The following OSBPL9 variants were observed in gnomAD, a reference collection of about 807,000 sequenced individuals.
OSBPL9 encodes oxysterol binding protein like 9, also known as oxysterol-binding protein-related protein 9.
OSBPL9 carries 40 observed loss-of-function variants against 106.6 expected under a neutral mutation model. The ratio of observed to expected loss-of-function variants is 0.38; its 90% CI spans 0.29 to 0.49. OSBPL9 has a LOEUF of 0.49. Ranked by LOEUF, OSBPL9 falls within the 20% of genes least tolerant of loss-of-function variation. The probability of loss-of-function intolerance (pLI) is 0.97; values close to 1 mark genes in which losing one functional copy is unlikely to be tolerated. For missense variants in OSBPL9, 609 were observed against 887.2 expected (o/e 0.69, Z 3.98); for synonymous variants, 269 against 295.4 (o/e 0.91, Z 0.92).
At chr1:51,720,563 T>C (rs1183564216) in intron 4 of OSBPL9, among the ~76,000 whole-genome samples, 2 of 152,090 alleles carry the variant, frequency 1.3e-5, no homozygotes, top group Admixed American at 6.5e-5. Flanking sequence ...GACCTTGTGA[T>C]CCACCCACCT....
At chr1:51,520,983 G>C in the OSBPL9 span, among the ~76,000 whole-genome samples, 2 of 152,158 alleles carry the variant, frequency 1.3e-5, no homozygotes, top group Non-Finnish European at 2.9e-5. Context: ...ACCACAACCG[G>C]TGTTTCTACC....
the OSBPL9 span, among the ~76,000 whole-genome samples, chr1:51,556,562 G>A: frequency 6.6e-6 from 1 of 151,908 alleles, no homozygotes; most frequent in Admixed American, 6.6e-5. Flanking sequence ...CAGAACTTTG[G>A]GAGGCCGAGG....
chr1:51,728,120 A>G (rs1663464759), intron 4 of OSBPL9, among the ~76,000 whole-genome samples: 1 of 152,258 alleles, frequency 6.6e-6, no homozygotes, highest in South Asian at 2.1e-4. Flanking sequence ...GAAAATAGGT[A>G]CTACAAGGTA....
At chr1:51,524,836 A>G in the OSBPL9 span, among the ~76,000 whole-genome samples, 1 of 152,156 alleles carries the variant, frequency 6.6e-6, no homozygotes, top group Non-Finnish European at 1.5e-5. Flanking sequence ...GCCATAAGAA[A>G]CCAAAAGGAA....
At chr1:51,614,760 C>T (rs948496094), upstream of OSBPL9, among the ~76,000 whole-genome samples, 1 of 152,154 alleles carries the variant, frequency 6.6e-6, no homozygotes, top group African/African-American at 2.4e-5. Flanking sequence ...CCCATAGGAG[C>T]TCACTTAATC....
At chr1:51,757,537 G>A (rs567502060) in intron 9 of OSBPL9, among the ~76,000 whole-genome samples, 182 of 151,646 alleles carry the variant, frequency 1.2e-3, no homozygotes, top group Non-Finnish European at 2.0e-3. Context: ...AAATAAAACA[G>A]GCAGGATTTT....
the OSBPL9 span, among the ~76,000 whole-genome samples, chr1:51,558,422 T>C: frequency 9.9e-4 from 151 of 152,230 alleles, no homozygotes; most frequent in Non-Finnish European, 1.9e-3. Flanking sequence ...CCTCCCCAAT[T>C]CTCCTATAGA....
chr1:51,748,236 C>A, intron 6 of OSBPL9, 133 bp from the exon 7 acceptor site: 2 of 997,772 alleles, frequency 2.0e-6, no homozygotes, highest in South Asian at 2.4e-5. Context: ...AAAAGTACTC[C>A]CTTCCCAACT....
intron 12 of OSBPL9, among the ~76,000 whole-genome samples, chr1:51,770,535 C>T (rs762226798): frequency 6.6e-6 from 1 of 152,150 alleles, no homozygotes; most frequent in Non-Finnish European, 1.5e-5. Context: ...GCCTTGGCCT[C>T]CCAAAGTGTT....
chr1:51,538,657 C>G, the OSBPL9 span: 1 of 152,066 alleles, frequency 6.6e-6, no homozygotes, highest in African/African-American at 2.4e-5. Flanking sequence ...ATGTGTCATC[C>G]TTGTGTAGGA....
intron 4 of OSBPL9, among the ~76,000 whole-genome samples, chr1:51,734,895 A>G (rs575576718): frequency 6.6e-6 from 1 of 152,228 alleles, no homozygotes; most frequent in African/African-American, 2.4e-5. Context: ...GAGATTCAGC[A>G]TCCAGATCCA....
chr1:51,623,302 A>G (rs1644558807), intron 1 of OSBPL9, among the ~76,000 whole-genome samples: 1 of 152,218 alleles, frequency 6.6e-6, no homozygotes, highest in African/African-American at 2.4e-5. Context: ...AGTTTCTAAA[A>G]TAGGAATATG....
intron 14 of OSBPL9, 26 bp downstream of exon 14, chr1:51,772,749 G>C (rs761808031): frequency 1.0e-5 from 15 of 1,484,940 alleles, no homozygotes; most frequent in Admixed American, 8.4e-5. Context: ...CTGTAAGTCT[G>C]TGTGGGTATG....
chr1:51,775,808 A>C (rs1674948014), intron 14 of OSBPL9, among the ~76,000 whole-genome samples: 1 of 151,958 alleles, frequency 6.6e-6, no homozygotes, highest in Non-Finnish European at 1.5e-5. Flanking sequence ...ACGGGGTTTC[A>C]CTGTGTTGGC....
chr1:51,784,680 TTCTG>T, intron 20 of OSBPL9, 98 bp downstream of exon 20: 3 of 1,381,908 alleles, frequency 2.2e-6, no homozygotes, highest in African/African-American at 1.4e-5. Context: ...GAAAGAATGG[TTCTG>T]TCTTTGTAAG....
intron 4 of OSBPL9, among the ~76,000 whole-genome samples, chr1:51,715,111 T>G (rs1660789657): frequency 6.6e-6 from 1 of 152,236 alleles, no homozygotes; most frequent in Admixed American, 6.5e-5. Context: ...CTCTGTACTT[T>G]GTTCTATATC....
chr1:51,538,221 G>A, the OSBPL9 span, among the ~76,000 whole-genome samples: 145 of 152,250 alleles, frequency 9.5e-4, 1 homozygote, highest in African/African-American at 3.5e-3. Flanking sequence ...GAACCTTGGA[G>A]GCAGAGGTTG....
At chr1:51,640,976 A>G (rs555946498) in intron 1 of OSBPL9, among the ~76,000 whole-genome samples, 2 of 151,424 alleles carry the variant, frequency 1.3e-5, no homozygotes, top group Non-Finnish European at 2.9e-5. Flanking sequence ...TTTTTTAGAG[A>G]TGGGTTCTCA....
At chr1:51,773,373 C>T (rs1302413959) in intron 14 of OSBPL9, among the ~76,000 whole-genome samples, 2 of 152,104 alleles carry the variant, frequency 1.3e-5, no homozygotes, top group Non-Finnish European at 2.9e-5. Context: ...TGCCACTGTG[C>T]TAGAAAACCC....
Sources: allele counts gnomAD v4.1 joint callset (sites outside exome capture counted in the v4.1 genomes callset), GRCh38; gene constraint gnomAD v4.1.1; transcripts MANE v1.5; gene names NCBI Gene and HGNC (gene_info 2026-07-23, HGNC 2026-07-21).